The following CCDC30 variants were observed in gnomAD, a reference collection of about 807,000 sequenced individuals.
The protein encoded by CCDC30 is coiled-coil domain containing 30.
Under a neutral mutation model 100.2 loss-of-function variants are expected in CCDC30, and 70 were observed. That is an observed-to-expected ratio of 0.70 (90% CI 0.58 to 0.85). CCDC30 has a LOEUF of 0.85. Ranked by LOEUF, CCDC30 falls within the 40% of genes least tolerant of loss-of-function variation. CCDC30 has a pLI of 0.00. For synonymous variants in CCDC30, 233 were observed against 269.5 expected, an observed-to-expected ratio of 0.86 and a Z score of 1.33; for missense variants, 652 against 771.2, an observed-to-expected ratio of 0.85 and a Z score of 1.83.
At chr1:42,546,574 T>C (rs1645149465) in intron 6 of CCDC30, among the ~76,000 whole-genome samples, 1 of 151,162 alleles carries the variant, frequency 6.6e-6, no homozygotes, top group Admixed American at 6.6e-5. Context: ...TCCTAATTTG[T>C]CTTTCTTTTT....
chr1:42,485,064 AAG>A (rs902353375), intron 3 of CCDC30, among the ~76,000 whole-genome samples: 3 of 152,154 alleles, frequency 2.0e-5, no homozygotes, highest in Non-Finnish European at 2.9e-5. Context: ...TTTGTTTAAA[AAG>A]AGTTCTTATT....
At chr1:42,506,439 A>C (rs72954322) in intron 6 of CCDC30, among the ~76,000 whole-genome samples, 2,192 of 152,372 alleles carry the variant, frequency 0.014, 46 homozygotes, top group African/African-American at 0.049. Context: ...GCATAGTTAC[A>C]GTTAAAAACA....
intron 10 of CCDC30, among the ~76,000 whole-genome samples, chr1:42,597,644 G>T (rs940918941): frequency 2.7e-5 from 4 of 146,220 alleles, no homozygotes; most frequent in Admixed American, 2.1e-4. Flanking sequence ...AAAAAAAAAA[G>T]TTTTTTAATT....
chr1:42,513,554 G>A (rs1184843385), intron 6 of CCDC30, among the ~76,000 whole-genome samples: 1 of 152,132 alleles, frequency 6.6e-6, no homozygotes, highest in Admixed American at 6.5e-5. Flanking sequence ...ACAACTGCCG[G>A]CATTCACCTG....
chr1:42,622,451 C>G (rs1646857139), intron 11 of CCDC30, among the ~76,000 whole-genome samples: 1 of 152,148 alleles, frequency 6.6e-6, no homozygotes, highest in Non-Finnish European at 1.5e-5. Flanking sequence ...TGGATATATA[C>G]TCAGCAGCGG....
intron 5 of CCDC30, 51 bp downstream of exon 5, chr1:42,497,264 A>G: frequency 9.5e-7 from 1 of 1,052,468 alleles, no homozygotes; most frequent in Non-Finnish European, 1.2e-6. Flanking sequence ...TACCATAACA[A>G]TCAACAGCAT....
intron 10 of CCDC30, chr1:42,595,638 T>A (rs1206562244): frequency 6.6e-6 from 1 of 152,226 alleles, no homozygotes. Context: ...ATTGTCATTC[T>A]ATCCACGATA....
intron 6 of CCDC30, among the ~76,000 whole-genome samples, chr1:42,543,607 T>C (rs918576025): frequency 1.3e-5 from 2 of 152,184 alleles, no homozygotes; most frequent in African/African-American, 4.8e-5. Context: ...AATGAAATCA[T>C]CCTCCTTACT....
chr1:42,619,432 G>A (rs1279977063), intron 11 of CCDC30, among the ~76,000 whole-genome samples: 2 of 152,116 alleles, frequency 1.3e-5, no homozygotes, highest in African/African-American at 2.4e-5. Flanking sequence ...ATAAATAGGA[G>A]AAATAGTATG....
intron 15 of CCDC30, among the ~76,000 whole-genome samples, chr1:42,652,783 G>T (rs1387384747): frequency 6.6e-6 from 1 of 152,126 alleles, no homozygotes; most frequent in Non-Finnish European, 1.5e-5. Flanking sequence ...GACATAAAAG[G>T]CCACATATTG....
intron 11 of CCDC30, among the ~76,000 whole-genome samples, chr1:42,625,269 C>G (rs1301169831): frequency 6.6e-6 from 1 of 152,018 alleles, no homozygotes. Flanking sequence ...TGGATCTTCT[C>G]TTTTTCTTAG....
intron 9 of CCDC30, among the ~76,000 whole-genome samples, chr1:42,586,144 G>C (rs1646064325): frequency 6.6e-6 from 1 of 152,228 alleles, no homozygotes; most frequent in Admixed American, 6.5e-5. Context: ...GAATGAAGTA[G>C]TTGGTATCAA....
chr1:42,635,636 C>G (rs1354982257), intron 11 of CCDC30, among the ~76,000 whole-genome samples: 1 of 151,706 alleles, frequency 6.6e-6, no homozygotes, highest in Non-Finnish European at 1.5e-5. Context: ...GGTGAAACCC[C>G]GTCTCTACTA....
downstream of CCDC30, among the ~76,000 whole-genome samples, chr1:42,655,205 T>G (rs1648618495): frequency 6.6e-6 from 1 of 152,306 alleles, no homozygotes; most frequent in Non-Finnish European, 1.5e-5. Flanking sequence ...GGGAAAAGTT[T>G]TAAATGTTTA....
At chr1:42,550,070 CAATCTGTTCAGTGAA>C (rs1645218446) in intron 6 of CCDC30, among the ~76,000 whole-genome samples, 1 of 152,056 alleles carries the variant, frequency 6.6e-6, no homozygotes, top group South Asian at 2.1e-4. Flanking sequence ...TTCCCCAGTC[CAATCTGTTCAGTGAA>C]TAGCCCCTCC....
chr1:42,620,251 AAG>A (rs1203667843), intron 11 of CCDC30, among the ~76,000 whole-genome samples: 1 of 152,144 alleles, frequency 6.6e-6, no homozygotes, highest in Non-Finnish European at 1.5e-5. Flanking sequence ...GGAGTAGGGG[AAG>A]AGAGAGAGGA....
intron 6 of CCDC30, among the ~76,000 whole-genome samples, chr1:42,563,231 A>G (rs999987152): frequency 6.6e-6 from 1 of 152,230 alleles, no homozygotes; most frequent in African/African-American, 2.4e-5. Flanking sequence ...TAGATTGGAT[A>G]AAGGAAATGT....
In CCDC30 at chr1:42,604,525, C is replaced by T. The variant is rs185076342; in HGVS notation, c.1165-6453C>T. On this transcript the variant is annotated intron_variant, in intron 10 of 16. Coordinates refer to ENST00000668663, the Ensembl canonical transcript of CCDC30. ...CATACATGTAGCCATTGAATCACTG[C>T]GGACGTGTCCTAAGATACACTGTGA... Among the ~76,000 whole-genome samples, 95 of 152,286 alleles carry T rather than the reference C, an allele frequency of 6.2e-4. No individual in the cohort carries two copies. In the East Asian group the frequency reaches 0.017, roughly 27 times the overall value.
chr1:42,624,362 G>C (rs568827446), intron 11 of CCDC30, among the ~76,000 whole-genome samples: 1 of 152,286 alleles, frequency 6.6e-6, no homozygotes, highest in South Asian at 2.1e-4. Flanking sequence ...TCATTCTGTT[G>C]ATATAATGTA....
Sources: gnomAD v4.1 joint callset for allele counts (sites outside exome capture counted in the v4.1 genomes callset) on GRCh38, gnomAD v4.1.1 for gene constraint, MANE v1.5 for transcripts, NCBI Gene and HGNC (gene_info 2026-07-23, HGNC 2026-07-21) for gene names.